The following FMN2 variants were observed in gnomAD, a reference collection of about 807,000 sequenced individuals.
FMN2 encodes the protein formin 2.
FMN2 carries 51 observed loss-of-function variants against 142.3 expected under a neutral mutation model. The ratio of observed to expected loss-of-function variants is 0.36; its 90% CI spans 0.29 to 0.45. The LOEUF (loss-of-function observed/expected upper bound fraction) is 0.45, where lower values mean the gene tolerates loss of function less well. Ranked by LOEUF, FMN2 falls within the 20% of genes least tolerant of loss-of-function variation. The pLI is 1.00. For missense variants in FMN2, 1,936 were observed against 2,122.8 expected, an observed-to-expected ratio of 0.91 and a Z score of 1.73; for synonymous variants, 882 against 869.8, an observed-to-expected ratio of 1.01 and a Z score of -0.25.
chr1:240,203,058 A>T (rs1176248736), intron 4 of FMN2, among the ~76,000 whole-genome samples: 1 of 152,222 alleles, frequency 6.6e-6, no homozygotes, highest in Admixed American at 6.5e-5. Flanking sequence ...GGAAAAACGA[A>T]AATGATCTGT....
At chr1:240,205,617 A>T (rs1324606714) in intron 4 of FMN2, among the ~76,000 whole-genome samples, 8 of 151,050 alleles carry the variant, frequency 5.3e-5, no homozygotes, top group East Asian at 3.9e-4. Context: ...ACCCGCCACC[A>T]CGCCCGGCTA....
intron 14 of FMN2, among the ~76,000 whole-genome samples, chr1:240,382,340 A>G (rs1396869306): frequency 1.3e-5 from 2 of 151,134 alleles, no homozygotes; most frequent in Non-Finnish European, 3.0e-5. Context: ...GCACAAATAA[A>G]TGAAAAAACA....
intron 7 of FMN2, among the ~76,000 whole-genome samples, chr1:240,259,217 T>G (rs1558398110): frequency 6.6e-6 from 1 of 152,136 alleles, no homozygotes; most frequent in Non-Finnish European, 1.5e-5. Flanking sequence ...TAGGATGAAA[T>G]CTGAAAATAA....
intron 1 of FMN2, among the ~76,000 whole-genome samples, chr1:240,112,256 C>T (rs916973909): frequency 7.2e-5 from 11 of 151,914 alleles, no homozygotes; most frequent in South Asian, 2.1e-4. Context: ...CTCAGCCTCC[C>T]GAGTAGCTGG....
chr1:240,142,507 G>A (rs1302167866), intron 2 of FMN2, among the ~76,000 whole-genome samples: 3 of 28,744 alleles, frequency 1.0e-4, no homozygotes, highest in Non-Finnish European at 2.2e-4. Context: ...ATATTTTTTG[G>A]GGGGGGATAA....
In FMN2 at chr1:240,474,299, C is replaced by CT. The variant is rs1676902981; in HGVS notation, c.*146dup. 2.8e-6 allele frequency: 2 copies of CT among 711,400 alleles called. No homozygotes were observed. The highest frequency in any genetic ancestry group is 6.6e-5 in the East Asian group (2 of 30,284). 44.1% of individuals were successfully genotyped at this position (711,400 alleles called of 1,614,324 possible). A position where few individuals can be genotyped will look rare whatever the true frequency, so the allele number is the denominator to read the frequency against. On this transcript the variant is annotated 3_prime_UTR_variant, in exon 18 of 18. Transcript: ENST00000319653. ...ATCTTTTTGTTTTCTAGACAGTTCA[C>CT]TAATTGTTGAATTTTACTGTATATT...
intron 16 of FMN2, among the ~76,000 whole-genome samples, chr1:240,470,725 C>T (rs1676781181): frequency 6.6e-6 from 1 of 152,022 alleles, no homozygotes; most frequent in Non-Finnish European, 1.5e-5. Context: ...AAGCCACAGC[C>T]TCTTTGGTTT....
At chr1:240,360,919 A>G (rs1352486226) in intron 14 of FMN2, among the ~76,000 whole-genome samples, 1 of 151,696 alleles carries the variant, frequency 6.6e-6, no homozygotes, top group Non-Finnish European at 1.5e-5. Flanking sequence ...GAAATTGAAC[A>G]ATGAGAACTC....
At chr1:240,332,945 C>A (rs1393956613) in intron 11 of FMN2, among the ~76,000 whole-genome samples, 2 of 152,026 alleles carry the variant, frequency 1.3e-5, no homozygotes, top group Admixed American at 6.6e-5. Context: ...ACAAGCAAAT[C>A]CTGTCTAATG....
chr1:240,440,392 T>TTC (rs1675570054), intron 16 of FMN2, among the ~76,000 whole-genome samples: 1 of 152,186 alleles, frequency 6.6e-6, no homozygotes, highest in African/African-American at 2.4e-5. Context: ...CTAGATGACA[T>TTC]TATCAATAAC....
intron 7 of FMN2, among the ~76,000 whole-genome samples, chr1:240,269,474 G>A (rs185285413): frequency 1.2e-4 from 18 of 152,022 alleles, no homozygotes; most frequent in Admixed American, 1.1e-3. Flanking sequence ...AAATCTGGTT[G>A]TGTGATTTCT....
chr1:240,255,181 A>G (rs1031799376), intron 6 of FMN2, among the ~76,000 whole-genome samples: 8 of 152,176 alleles, frequency 5.3e-5, no homozygotes, highest in Non-Finnish European at 1.0e-4. Flanking sequence ...GGCTGAGCAG[A>G]CTGCCCCACT....
At chr1:240,292,559 A>G (rs1191736363) in intron 7 of FMN2, among the ~76,000 whole-genome samples, 1 of 152,186 alleles carries the variant, frequency 6.6e-6, no homozygotes, top group African/African-American at 2.4e-5. Flanking sequence ...TTTGTTGAAT[A>G]CATTTGGGAA....
chr1:240,266,020 C>CTTTTTT (rs10680119), intron 7 of FMN2, among the ~76,000 whole-genome samples: 31 of 136,416 alleles, frequency 2.3e-4, no homozygotes, highest in African/African-American at 7.9e-4. Flanking sequence ...CTGTTACTTC[C>CTTTTTT]TTTTTTTTTT....
rs748270901 is a variant in FMN2 at position 240,330,605 on chromosome 1, A to G, written c.4440A>G (p.Thr1480=). 10 of 1,612,502 alleles carry G rather than the reference A, an allele frequency of 6.2e-6. No homozygotes were observed. Among genetic ancestry groups the G allele is most frequent in the Non-Finnish European group, 8.5e-6 (10 of 1,179,524 alleles). Residue 1480 remains threonine, a splice_region_variant and synonymous_variant, in exon 11 of 18, where the codon ACA becomes ACG. Coordinates refer to ENST00000319653, the MANE Select transcript of FMN2 (RefSeq NM_020066.5). ...KLELLQKLCE[T]LKNGPGVMQV... The stretch of plus-strand genomic sequence containing the variant: ...TTTGTTGTTATTCTGTTTTACAGAC[A>G]TTAAAAAATGGCCCAGGGGTTATGC...
intron 1 of FMN2, among the ~76,000 whole-genome samples, chr1:240,111,206 G>C (rs1479824299): frequency 2.0e-5 from 3 of 152,114 alleles, no homozygotes; most frequent in African/African-American, 7.2e-5. Flanking sequence ...GATTACCAGG[G>C]GTTATGTAAC....
intron 8 of FMN2, among the ~76,000 whole-genome samples, chr1:240,328,559 T>TTTTATTTATTTA (rs200121171): frequency 9.3e-5 from 13 of 140,400 alleles, no homozygotes; most frequent in African/African-American, 2.4e-4. Flanking sequence ...TTACACTTTA[T>TTTTATTTATTTA]TTTATTTATT....
At chr1:240,361,143 AT>A (rs1672459435) in intron 14 of FMN2, among the ~76,000 whole-genome samples, 1 of 7,868 alleles carries the variant, frequency 1.3e-4, no homozygotes, top group African/African-American at 1.6e-3. Context: ...ATATATGTGT[AT>A]ATATATATAT....
chr1:240,346,229 C>A (rs1456168425), intron 13 of FMN2, among the ~76,000 whole-genome samples: 2 of 151,712 alleles, frequency 1.3e-5, no homozygotes, highest in African/African-American at 4.8e-5. Flanking sequence ...TGCATACATA[C>A]CTATGATAAA....
Sources: allele counts gnomAD v4.1 joint callset (sites outside exome capture counted in the v4.1 genomes callset), GRCh38; gene constraint gnomAD v4.1.1; transcripts MANE v1.5; gene names NCBI Gene and HGNC (gene_info 2026-07-23, HGNC 2026-07-21).